TYR: variants seen among roughly 807,000 people sequenced by gnomAD.
The protein encoded by TYR is LB24-AB.
In TYR, 58 loss-of-function variants were observed where a neutral mutation model predicts 51.5. That is an observed-to-expected ratio of 1.13 (90% CI 0.91 to 1.40). TYR has a LOEUF of 1.40. Ranked by LOEUF, TYR falls within the 40% of genes most tolerant of loss-of-function variation. The pLI, the probability that TYR is intolerant of heterozygous loss-of-function variation, is 0.00. For missense variants in TYR, 732 were observed against 647.4 expected (o/e 1.13, Z -1.42); for synonymous variants, 263 against 235.2 (o/e 1.12, Z -1.08).
In TYR at chr11:89,177,906, G is replaced by T; in HGVS notation, c.-48G>T. The T allele has an allele frequency of 6.3e-7, 1 of 1,587,232 alleles. No individual in the cohort carries two copies. The highest frequency in any genetic ancestry group is 1.1e-5 in the South Asian group (1 of 90,230). On this transcript the variant is annotated 5_prime_UTR_variant, in exon 1 of 5. Transcript: ENST00000263321. ...GTAGTAGCTGGAAAGAGAAATCTGTGACTCCAATTAGCCAGTTCCTGCAGA... is the reference window on the plus strand; with the variant it reads ...GTAGTAGCTGGAAAGAGAAATCTGTTACTCCAATTAGCCAGTTCCTGCAGA...
intron 3 of TYR, among the ~76,000 whole-genome samples, chr11:89,265,295 T>C (rs931661443): frequency 4.6e-5 from 7 of 152,012 alleles, no homozygotes; most frequent in Non-Finnish European, 7.4e-5. Context: ...CCTTTGACCT[T>C]TGATAAAAGG....
intron 2 of TYR, among the ~76,000 whole-genome samples, chr11:89,194,275 A>G (rs1943486917): frequency 6.6e-6 from 1 of 151,994 alleles, no homozygotes; most frequent in South Asian, 2.1e-4. Context: ...TTTTGAGTGT[A>G]TCTAATATTT....
intron 1 of TYR, among the ~76,000 whole-genome samples, chr11:89,184,810 A>G (rs1943348122): frequency 6.6e-6 from 1 of 152,148 alleles, no homozygotes; most frequent in African/African-American, 2.4e-5. Context: ...TACGGAGCCC[A>G]ATTTTTTCTC....
chr11:89,223,730 A>C (rs771640306), intron 2 of TYR, among the ~76,000 whole-genome samples: 3 of 152,166 alleles, frequency 2.0e-5, no homozygotes, highest in Non-Finnish European at 2.9e-5. Flanking sequence ...TCTCTAGTCT[A>C]TTTGAAGAGA....
intron 3 of TYR, among the ~76,000 whole-genome samples, chr11:89,273,060 T>C (rs1944609297): frequency 6.6e-6 from 1 of 151,954 alleles, no homozygotes; most frequent in African/African-American, 2.4e-5. Context: ...ATCATTTATG[T>C]GTTCACTGGA....
In TYR at chr11:89,295,291, G is replaced by T; in HGVS notation, c.1515G>T (p.Lys505Asn). 1.2e-6 allele frequency: 2 copies of T among 1,613,644 alleles called. No homozygotes were observed. The highest frequency in any genetic ancestry group is 2.2e-5 in the South Asian group (2 of 91,066). The change falls in exon 5 of 5, where the codon AAG becomes AAT. Residue 505 changes from lysine to asparagine, a missense_variant. Lys to Asn is a moderately conservative substitution (Grantham distance 94). Coordinates refer to ENST00000263321, the MANE Select transcript of TYR (RefSeq NM_000372.5). The part of the protein sequence containing the change: ...LVSLLCRHKR[K>N]QLPEEKQPLL... ...GCTTGCTGTGTCGTCACAAGAGAAA[G>T]CAGCTTCCTGAAGAAAAGCAGCCAC...
intron 1 of TYR, among the ~76,000 whole-genome samples, chr11:89,190,119 T>A (rs79107153): frequency 0.02 from 3,079 of 152,254 alleles, 118 homozygotes; most frequent in African/African-American, 0.071. Flanking sequence ...TAAACAACTA[T>A]GTTACTGGTT....
At chr11:89,229,103 T>A (rs1167272616) in intron 3 of TYR, among the ~76,000 whole-genome samples, 1 of 152,100 alleles carries the variant, frequency 6.6e-6, no homozygotes, top group Non-Finnish European at 1.5e-5. Context: ...TTTTACTTAA[T>A]TTACCAAAAT....
In TYR at chr11:89,178,655, A is replaced by AT; in HGVS notation, c.703dup (p.Tyr235LeufsTer11). 6.2e-7 allele frequency: 1 copy of AT among 1,613,660 alleles called. No individual in the cohort carries two copies. The highest frequency in any genetic ancestry group is 1.1e-5 in the South Asian group (1 of 91,066). On this transcript the variant is annotated frameshift_variant, in exon 1 of 5. Coordinates refer to ENST00000263321, the MANE Select transcript of TYR (RefSeq NM_000372.5). LOFTEE classifies it high-confidence loss of function. Reference sequence around the variant, plus strand: ...CAGGAGATGAAAACTTCACTATTCCATATTGGGACTGGCGGGATGCAGAAA... The same window carrying AT: ...CAGGAGATGAAAACTTCACTATTCCATTATTGGGACTGGCGGGATGCAGAAA...
intron 3 of TYR, among the ~76,000 whole-genome samples, chr11:89,234,243 A>G (rs1944084070): frequency 7.0e-6 from 1 of 143,064 alleles, no homozygotes; most frequent in Non-Finnish European, 1.5e-5. Flanking sequence ...CAGCTTCCTC[A>G]CCTCTTTGAC....
At chr11:89,281,748 C>T (rs1222263281) in intron 3 of TYR, among the ~76,000 whole-genome samples, 1 of 151,778 alleles carries the variant, frequency 6.6e-6, no homozygotes, top group Non-Finnish European at 1.5e-5. Flanking sequence ...AGAGTCTTTA[C>T]ATGTCTGACC....
Position 89,198,754 on chromosome 11 carries a change from CATATAT to C in TYR, c.1036+7347_1036+7352del, listed in dbSNP as rs144458836. On this transcript the variant is annotated intron_variant, in intron 2 of 4. Transcript: ENST00000263321. Reference sequence around the variant, plus strand: ...TTTACTCAAAAGGTAACTTTTTTCTCATATATATATATATATTTTTATACTTTAAGT... The same window carrying C: ...TTTACTCAAAAGGTAACTTTTTTCTCATATATATATTTTTATACTTTAAGT... Among the ~76,000 whole-genome samples the C allele has an allele frequency of 9.6e-5, 14 of 146,362 alleles. 1 individual carries two copies. The highest frequency in any genetic ancestry group is 4.0e-4 in the Admixed American group (6 of 14,820).
chr11:89,266,942 G>T (rs1193671466), intron 3 of TYR, among the ~76,000 whole-genome samples: 2 of 151,876 alleles, frequency 1.3e-5, no homozygotes, highest in Non-Finnish European at 2.9e-5. Flanking sequence ...TGTCTGAAGG[G>T]CCTTATGCAC....
chr11:89,228,450 G>T (rs1345980529), intron 3 of TYR, among the ~76,000 whole-genome samples: 1 of 152,178 alleles, frequency 6.6e-6, no homozygotes, highest in Non-Finnish European at 1.5e-5. Flanking sequence ...GGCTTCAGGA[G>T]AAAGTTGTTA....
Position 89,295,543 on chromosome 11 carries a change from T to G in TYR, c.*177T>G. ...AGGTAGAACACACCTGTCTTTGTCT[T>G]GCTGTTTTCACTCAGCCCTTTTAAC... On this transcript the variant is annotated 3_prime_UTR_variant, in exon 5 of 5. Coordinates refer to ENST00000263321, the MANE Select transcript of TYR (RefSeq NM_000372.5). 3 of 762,602 alleles carry G rather than the reference T, an allele frequency of 3.9e-6. No individual in the cohort carries two copies. In the East Asian group the frequency reaches 8.3e-5, roughly 21 times the overall value. 47.2% of individuals were successfully genotyped at this position (762,602 alleles called of 1,614,324 possible).
At chr11:89,232,495 T>C (rs778137991) in intron 3 of TYR, among the ~76,000 whole-genome samples, 2 of 142,716 alleles carry the variant, frequency 1.4e-5, no homozygotes, top group Admixed American at 6.9e-5. Flanking sequence ...GAGGTAAACA[T>C]TGGCTACATA....
chr11:89,222,218 G>C (rs948239550), intron 2 of TYR, among the ~76,000 whole-genome samples: 30 of 152,170 alleles, frequency 2.0e-4, no homozygotes, highest in African/African-American at 6.8e-4. Context: ...CAGGTTTAGA[G>C]AATGGAGATC....
Position 89,234,748 on chromosome 11 carries a change from T to G in TYR, c.1184+6778T>G, listed in dbSNP as rs116806375. Among the ~76,000 whole-genome samples, 764 of 151,986 alleles carry G rather than the reference T, an allele frequency of 5.0e-3. 153 individuals carry two copies. Among genetic ancestry groups the G allele is most frequent in the African/African-American group, 0.018 (732 of 41,396 alleles). On this transcript the variant is annotated intron_variant, in intron 3 of 4. Transcript: ENST00000263321. ...TTAATTAAAGTCACCTTTTTAACAT[T>G]GGCACTGTTTGTGGTGTCCCAAAAC... is the stretch of plus-strand genomic sequence containing the variant.
intron 3 of TYR, among the ~76,000 whole-genome samples, chr11:89,244,119 A>C (rs1944235280): frequency 6.6e-6 from 1 of 152,182 alleles, no homozygotes; most frequent in African/African-American, 2.4e-5. Context: ...CTATTTCCAA[A>C]ACTGCACAGA....
Sources: allele counts gnomAD v4.1 joint callset (sites outside exome capture counted in the v4.1 genomes callset), GRCh38; gene constraint gnomAD v4.1.1; transcripts MANE v1.5; gene names NCBI Gene and HGNC (gene_info 2026-07-23, HGNC 2026-07-21).